Variants in ADSL observed in about 807,000 individuals in gnomAD.
ADSL encodes adenylosuccinase.
Under a neutral mutation model 62.1 loss-of-function variants are expected in ADSL, and 44 were observed. The observed-to-expected ratio is 0.71, with a 90% confidence interval of 0.56 to 0.91. ADSL has a LOEUF of 0.91. Ranked by LOEUF, ADSL falls within the 40% of genes least tolerant of loss-of-function variation. The pLI is 0.00. For missense variants in ADSL, 531 were observed against 627.4 expected, an observed-to-expected ratio of 0.85 and a Z score of 1.64; for synonymous variants, 198 against 220.5, an observed-to-expected ratio of 0.90 and a Z score of 0.90.
downstream of ADSL, chr22:40,370,700 G>A (rs1461553532): frequency 6.6e-6 from 1 of 152,640 alleles, no homozygotes; most frequent in Non-Finnish European, 1.5e-5. Flanking sequence ...TGAGTGCGGG[G>A]CGGGAGTCAG....
downstream of ADSL, among the ~76,000 whole-genome samples, chr22:40,372,115 C>G (rs960540413): frequency 1.3e-4 from 15 of 118,706 alleles, no homozygotes; most frequent in East Asian, 2.3e-3. Context: ...CTCCCTGTCC[C>G]CCCCCCCTTT....
intron 2 of ADSL, chr22:40,378,404 G>T (rs1304247767): frequency 6.6e-6 from 1 of 152,196 alleles, no homozygotes; most frequent in East Asian, 1.9e-4. Flanking sequence ...ATTCCAGCCT[G>T]GGTGACACAG....
chr22:40,364,206 C>T (rs1455912562), intron 10 of ADSL, 70 bp from the exon 11 acceptor site: 1 of 1,266,772 alleles, frequency 7.9e-7, no homozygotes, highest in African/African-American at 1.5e-5. Flanking sequence ...TTTTGTTTGA[C>T]ATCCTGCTGT....
At chr22:40,371,739 C>G (rs1003358973), downstream of ADSL, among the ~76,000 whole-genome samples, 13 of 151,834 alleles carry the variant, frequency 8.6e-5, no homozygotes, top group Admixed American at 2.0e-4. Context: ...CGCTCTTGCC[C>G]GGGCTGGAGT....
chr22:40,353,549 G>T, intron 3 of ADSL: 1 of 565,564 alleles, frequency 1.8e-6, no homozygotes, highest in Non-Finnish European at 3.2e-6. Flanking sequence ...CTTTCAAAGT[G>T]TTGGGATTAC....
chr22:40,362,875 A>C, intron 9 of ADSL, 106 bp from the exon 10 acceptor site: 2 of 1,048,016 alleles, frequency 1.9e-6, no homozygotes, highest in Non-Finnish European at 3.0e-6. Context: ...AGATTGAAGG[A>C]GATTATCCAG....
intron 2 of ADSL, among the ~76,000 whole-genome samples, chr22:40,381,357 G>A (rs757294703): frequency 3.2e-4 from 48 of 151,960 alleles, no homozygotes; most frequent in Non-Finnish European, 1.5e-4. Context: ...CTATGTTGCC[G>A]AGGCTGGTCT....
Position 40,365,029 on chromosome 22 carries a change from T to G in ADSL, c.1341T>G (p.Ser447=). 6.2e-7 allele frequency: 1 copy of G among 1,614,138 alleles called. No individual in the cohort carries two copies. ...AGTTGGATCATTTACTGGATCCTTC[T>G]TCTTTCACTGGTCGTGCCTCCCAGC... is the stretch of plus-strand genomic sequence containing the variant. ...HSQLDHLLDP[S]SFTGRASQQV... is the part of the protein sequence containing the mutation. The change falls in exon 12 of 13, where the codon TCT becomes TCG. Residue 447 remains serine, a synonymous_variant. Coordinates refer to ENST00000623063, the MANE Select transcript of ADSL (RefSeq NM_000026.4).
At position 40,350,021 on chromosome 22, in the gene ADSL, G is replaced by A. The variant is rs1569086961; in HGVS notation, c.343G>A (p.Val115Ile). 1 of 1,613,940 alleles carries A rather than the reference G, an allele frequency of 6.2e-7. No individual in the cohort carries two copies. Among genetic ancestry groups the A allele is most frequent in the Non-Finnish European group, 8.5e-7 (1 of 1,179,864 alleles). Residue 115 changes from valine to isoleucine, a missense_variant, in exon 2 of 13, where the codon GTT (valine) becomes ATT (isoleucine). Physicochemically the swap from Val to Ile is conservative, Grantham distance 29. Transcript: ENST00000623063. ...TCACCTTGGTGCTACTTCTTGCTAT[G>A]TTGGAGACAATACTGTAGGCGCCTG... Reference protein sequence around the residue: ...IIHLGATSCYVGDNTDLIILR... With the variant: ...IIHLGATSCYIGDNTDLIILR...
At chr22:40,353,455 G>C (rs1423262682) in intron 3 of ADSL, 1 of 698,482 alleles carries the variant, frequency 1.4e-6, no homozygotes, top group East Asian at 2.7e-5. Context: ...ACCTCACCTG[G>C]CTAATTTTCT....
At chr22:40,381,237 T>C (rs2047520588) in intron 2 of ADSL, among the ~76,000 whole-genome samples, 1 of 151,982 alleles carries the variant, frequency 6.6e-6, no homozygotes, top group African/African-American at 2.4e-5. Context: ...AACCTCCACC[T>C]CCAGGGCTCA....
chr22:40,356,032 CAAAAAAAAAA>C (rs1212379585), intron 4 of ADSL, among the ~76,000 whole-genome samples: 1 of 55,336 alleles, frequency 1.8e-5, no homozygotes, highest in East Asian at 5.9e-4. Context: ...ACTAAAAATA[CAAAAAAAAAA>C]AAAAAAAAAA....
chr22:40,354,873 A>G (rs946423526), intron 4 of ADSL, among the ~76,000 whole-genome samples: 38 of 152,034 alleles, frequency 2.5e-4, no homozygotes, highest in African/African-American at 8.7e-4. Context: ...CGTCTCAAAA[A>G]AAAAAAAAAA....
intron 3 of ADSL, chr22:40,353,436 G>C: frequency 1.4e-6 from 1 of 701,324 alleles, no homozygotes. Flanking sequence ...GGGAGTACAG[G>C]TGCATGCCAC....
chr22:40,381,916 C>T (rs1038227492), intron 2 of ADSL, among the ~76,000 whole-genome samples: 6 of 152,150 alleles, frequency 3.9e-5, no homozygotes, highest in Admixed American at 6.5e-5. Context: ...CCAAGATTCG[C>T]GCCACTGCAC....
rs763926844 is a variant in ADSL, at chr22:40,346,550, A to G, written c.-9A>G. 6.9e-6 allele frequency: 11 copies of G among 1,601,794 alleles called. No individual in the cohort carries two copies. Among genetic ancestry groups the G allele is most frequent in the African/African-American group, 1.3e-5 (1 of 74,806 alleles). On this transcript the variant is annotated 5_prime_UTR_variant, in exon 1 of 13. Transcript: ENST00000623063. ...GTCCAGTCCACCCTGGCGGGGTCGC[A>G]GGGTTGGGATGGCGGCTGGAGGCGA... is the stretch of plus-strand genomic sequence containing the variant.
intron 2 of ADSL, among the ~76,000 whole-genome samples, chr22:40,385,652 C>T (rs1410291086): frequency 6.6e-6 from 1 of 152,180 alleles, no homozygotes; most frequent in Non-Finnish European, 1.5e-5. Context: ...TACAGTCCCT[C>T]AGCTGGGGGT....
chr22:40,365,883 G>A (rs2044986139), intron 12 of ADSL, among the ~76,000 whole-genome samples: 1 of 151,856 alleles, frequency 6.6e-6, no homozygotes, highest in Non-Finnish European at 1.5e-5. Flanking sequence ...AAAATACAAA[G>A]ATGAATAGAT....
chr22:40,347,135 C>T (rs2044173375), intron 1 of ADSL, among the ~76,000 whole-genome samples: 1 of 152,204 alleles, frequency 6.6e-6, no homozygotes, highest in Non-Finnish European at 1.5e-5. Context: ...CAGGGGAGAA[C>T]AAAGCCCGGA....
Sources: allele counts gnomAD v4.1 joint callset (sites outside exome capture counted in the v4.1 genomes callset), GRCh38; gene constraint gnomAD v4.1.1; transcripts MANE v1.5; gene names NCBI Gene and HGNC (gene_info 2026-07-23, HGNC 2026-07-21).